CCAR1: variants seen among roughly 807,000 people sequenced by gnomAD.
CCAR1 encodes the protein cell division cycle and apoptosis regulator protein 1.
Under a neutral mutation model 163.8 loss-of-function variants are expected in CCAR1, and 78 were observed. That is an observed-to-expected ratio of 0.48 (90% CI 0.40 to 0.57). The LOEUF (loss-of-function observed/expected upper bound fraction) is 0.57, where lower values mean the gene tolerates loss of function less well. CCAR1 is among the 20% of genes least tolerant of loss of function. The pLI is 0.00. For synonymous variants in CCAR1, 443 were observed against 460.7 expected (o/e 0.96, Z 0.49); for missense variants, 1,019 against 1,365.2 (o/e 0.75, Z 4.00).
intron 19 of CCAR1, among the ~76,000 whole-genome samples, chr10:68,776,235 TTTTTC>T (rs369626493): frequency 0.03 from 4,502 of 151,714 alleles, 176 homozygotes; most frequent in African/African-American, 0.097. Context: ...TCTAATTTTC[TTTTTC>T]TTTTCTTTTC....
chr10:68,755,588 A>G, intron 13 of CCAR1, 52 bp downstream of exon 13: 2 of 1,472,382 alleles, frequency 1.4e-6, no homozygotes, highest in South Asian at 1.3e-5. Context: ...TAGTTTATGT[A>G]GTTGTTCTTA....
intron 16 of CCAR1, among the ~76,000 whole-genome samples, chr10:68,762,356 A>AAAAAACAAAC (rs2056484163): frequency 1.2e-3 from 3 of 2,442 alleles, no homozygotes; most frequent in Admixed American, 6.7e-3. Flanking sequence ...AAAAACAAAC[A>AAAAAACAAAC]AAAAAAAAAC....
intron 12 of CCAR1, chr10:68,755,095 C>A: frequency 1.5e-6 from 1 of 662,996 alleles, no homozygotes; most frequent in Non-Finnish European, 2.8e-6. Context: ...TTCAGAGTGT[C>A]TTTGGATGTT....
rs74703993 is a variant in CCAR1, at chr10:68,774,570, G to T, written c.2650+1471G>T. 1.4e-3 allele frequency among the ~76,000 whole-genome samples: 206 copies of T among 151,704 alleles called. 1 individual carries two copies. The highest frequency in any genetic ancestry group is 4.7e-3 in the African/African-American group (196 of 41,328). ...GGCTTGAACTCGGGAGGCAGAGGTT[G>T]CAGCGAGCCCAGATTGTGCCATTGC... On this transcript the variant is annotated intron_variant, in intron 19 of 24. Transcript: ENST00000265872.
intron 16 of CCAR1, among the ~76,000 whole-genome samples, chr10:68,763,765 G>A (rs183698999): frequency 5.3e-5 from 8 of 152,226 alleles, no homozygotes; most frequent in African/African-American, 1.7e-4. Flanking sequence ...AGTTATTTTC[G>A]TGATGAAATT....
chr10:68,730,132 G>A (rs1226822061), intron 2 of CCAR1, among the ~76,000 whole-genome samples: 1 of 151,794 alleles, frequency 6.6e-6, no homozygotes, highest in Admixed American at 6.6e-5. Context: ...ATGTTGGTCA[G>A]GCTGGTCTCA....
intron 6 of CCAR1, among the ~76,000 whole-genome samples, chr10:68,746,772 T>C (rs2056261539): frequency 6.6e-6 from 1 of 151,898 alleles, no homozygotes; most frequent in Admixed American, 6.6e-5. Flanking sequence ...GAGACAGGGT[T>C]TCACCATGTT....
chr10:68,775,507 T>G lies in CCAR1; in HGVS notation c.2650+2408T>G, dbSNP rs1439674628. Among the ~76,000 whole-genome samples, 7 of 146,978 alleles carry G rather than the reference T, an allele frequency of 4.8e-5. 1 individual carries two copies. The highest frequency in any genetic ancestry group is 1.8e-4 in the African/African-American group (7 of 38,376). On this transcript the variant is annotated intron_variant, in intron 19 of 24. Transcript: ENST00000265872. ...TGTCAGCCTCATTTTCTTTTTTTTT[T>G]TTTTTTTGTTTTTTGTTTTTTGAGA...
rs763009912 is a variant in CCAR1, at chr10:68,763,487, G to T, written c.2106+2295G>T. On this transcript the variant is annotated intron_variant, in intron 16 of 24. Coordinates refer to ENST00000265872, the MANE Select transcript of CCAR1 (RefSeq NM_018237.4). Reference sequence around the variant, plus strand: ...TTTTGAGACGGAGTCTCTCTCTGTTGCCCAGGCTGCAGTGGAGTGGCACGA... The same window carrying T: ...TTTTGAGACGGAGTCTCTCTCTGTTTCCCAGGCTGCAGTGGAGTGGCACGA... Among the ~76,000 whole-genome samples, 9 of 150,304 alleles carry T rather than the reference G, an allele frequency of 6.0e-5. No homozygotes were observed. In the South Asian group the frequency reaches 1.9e-3, roughly 32 times the overall value.
chr10:68,722,041 G>A (rs1247105016), intron 1 of CCAR1, among the ~76,000 whole-genome samples: 1 of 152,100 alleles, frequency 6.6e-6, no homozygotes, highest in Non-Finnish European at 1.5e-5. Context: ...CCCAGTATCC[G>A]TTATTGGTTT....
chr10:68,721,491 C>G (rs779579912), intron 1 of CCAR1: 12 of 421,954 alleles, frequency 2.8e-5, no homozygotes, highest in Non-Finnish European at 5.2e-5. Context: ...AGCCCCACCC[C>G]CACCGCTCGG....
chr10:68,739,793 C>CA (rs932425544), intron 4 of CCAR1, among the ~76,000 whole-genome samples: 1 of 152,056 alleles, frequency 6.6e-6, no homozygotes, highest in Admixed American at 6.6e-5. Flanking sequence ...TCTTAACTTA[C>CA]AAAAAAATAG....
At chr10:68,739,434 G>C (rs903619487) in intron 4 of CCAR1, among the ~76,000 whole-genome samples, 5 of 152,084 alleles carry the variant, frequency 3.3e-5, no homozygotes, top group African/African-American at 4.8e-5. Flanking sequence ...CAGGCGTGAG[G>C]CACTGCGCCC....
At chr10:68,723,271 G>A (rs1284358751) in intron 2 of CCAR1, among the ~76,000 whole-genome samples, 2 of 149,276 alleles carry the variant, frequency 1.3e-5, no homozygotes, top group African/African-American at 2.4e-5. Flanking sequence ...ACAGGCACCC[G>A]CCACCACGCC....
At chr10:68,732,754 T>C (rs781428730) in intron 2 of CCAR1, among the ~76,000 whole-genome samples, 12 of 152,130 alleles carry the variant, frequency 7.9e-5, no homozygotes, top group Admixed American at 1.3e-4. Context: ...CAGGAAATTA[T>C]CCCACCTTTT....
Position 68,787,231 on chromosome 10 carries a change from CGTG to C in CCAR1, c.2880+541_2880+543del, listed in dbSNP as rs529139624. On this transcript the variant is annotated intron_variant, in intron 21 of 24. Coordinates refer to ENST00000265872, the MANE Select transcript of CCAR1 (RefSeq NM_018237.4). ...CTCAGTTCCATTTTTATAAACAAAA[CGTG>C]GAATTATTCTGTACGTTTTGACTGG... 4.7e-3 allele frequency among the ~76,000 whole-genome samples: 713 copies of C among 151,868 alleles called. 3 individuals are homozygous for C. Among genetic ancestry groups the C allele is most frequent in the Non-Finnish European group, 7.8e-3 (528 of 67,982 alleles).
At chr10:68,750,353 C>G (rs1305269746) in intron 10 of CCAR1, among the ~76,000 whole-genome samples, 1 of 151,826 alleles carries the variant, frequency 6.6e-6, no homozygotes, top group Admixed American at 6.6e-5. Context: ...TCCCTAGTAG[C>G]TGGGATTACA....
At position 68,792,299 on chromosome 10, in the gene CCAR1, GT is replaced by G. The variant is rs1237891355; in HGVS notation, c.*1036del. ...AAATGCAGTGTATGTCAAATTTACA[GT>G]TTAGTACCAAGCCAGTAGATGTCAG... On this transcript the variant is annotated 3_prime_UTR_variant, in exon 25 of 25. Coordinates refer to ENST00000265872, the MANE Select transcript of CCAR1 (RefSeq NM_018237.4). 1.3e-5 allele frequency: 2 copies of G among 152,026 alleles called. No homozygotes were observed. The highest frequency in any genetic ancestry group is 2.9e-5 in the Non-Finnish European group (2 of 68,008). The allele number at this position is 152,026 out of a possible 1,614,324, so 9.4% of individuals were successfully genotyped here.
intron 19 of CCAR1, among the ~76,000 whole-genome samples, chr10:68,784,509 G>C (rs577743524): frequency 9.9e-5 from 15 of 152,208 alleles, no homozygotes. Context: ...CACCATGTTC[G>C]GCGATTGACT....
Sources: allele counts gnomAD v4.1 joint callset (sites outside exome capture counted in the v4.1 genomes callset), GRCh38; gene constraint gnomAD v4.1.1; transcripts MANE v1.5; gene names NCBI Gene and HGNC (gene_info 2026-07-23, HGNC 2026-07-21).